The following LAMA1 variants were observed in gnomAD, a reference collection of about 807,000 sequenced individuals.
LAMA1 encodes laminin subunit alpha 1, also known as laminin subunit alpha-1.
LAMA1 carries 219 observed loss-of-function variants against 348.7 expected under a neutral mutation model. The observed-to-expected ratio is 0.63, with a 90% CI of 0.56 to 0.70. LAMA1 has a LOEUF of 0.70. LAMA1 is among the 30% of genes least tolerant of loss of function. LAMA1 has a pLI of 0.00. For missense variants in LAMA1, 3,744 were observed against 3,888.0 expected (o/e 0.96, Z 0.99); for synonymous variants, 1,487 against 1,491.0 (o/e 1.00, Z 0.06).
intron 42 of LAMA1, among the ~76,000 whole-genome samples, chr18:6,980,053 A>T (rs920914462): frequency 6.6e-6 from 1 of 152,146 alleles, no homozygotes; most frequent in African/African-American, 2.4e-5. Flanking sequence ...ACATTTCTAA[A>T]CCATCAGTAT....
At chr18:7,013,093 G>A (rs1203095576) in intron 23 of LAMA1, among the ~76,000 whole-genome samples, 2 of 151,870 alleles carry the variant, frequency 1.3e-5, no homozygotes, top group African/African-American at 2.4e-5. Context: ...CCCGGGAGGC[G>A]GAGGTTGCAG....
chr18:7,027,741 G>A (rs1214640103), intron 16 of LAMA1, among the ~76,000 whole-genome samples: 3 of 152,220 alleles, frequency 2.0e-5, no homozygotes, highest in African/African-American at 4.8e-5. Flanking sequence ...TCAGGAGTTC[G>A]AGACCAGCCT....
Position 6,961,683 on chromosome 18 carries a change from C to A in LAMA1, c.7529G>T (p.Trp2510Leu), listed in dbSNP as rs1290813871. The A allele has an allele frequency of 1.2e-6, 2 of 1,614,018 alleles. No homozygotes were observed. Among genetic ancestry groups the A allele is most frequent in the Non-Finnish European group, 1.7e-6 (2 of 1,180,032 alleles). Residue 2510 changes from tryptophan (W) to leucine (L), a missense_variant, in exon 53 of 63, where the codon TGG (tryptophan) becomes TTG (leucine). Physicochemically the swap from Trp to Leu is moderately conservative, Grantham distance 61 (BLOSUM62 -2). This residue lies in a region of LAMA1 where 1,983 missense variants were observed against 1,934.3 expected (regional missense o/e 1.03). Coordinates refer to ENST00000389658, the MANE Select transcript of LAMA1 (RefSeq NM_005559.4). ...PPKSLSPESE[W>L]LVTFATTNSS... ...GTTCGTGGTGGCAAATGTTACCAGC[C>A]ATTCTGATTCTGGTGACAAAGATTT...
intron 19 of LAMA1, among the ~76,000 whole-genome samples, chr18:7,019,542 C>T (rs1031558627): frequency 3.9e-5 from 6 of 152,146 alleles, no homozygotes; most frequent in African/African-American, 1.4e-4. Flanking sequence ...TCACCACAAA[C>T]CAAGGAGGGA....
chr18:7,099,837 T>G (rs113664602), intron 1 of LAMA1, among the ~76,000 whole-genome samples: 1,664 of 151,800 alleles, frequency 0.011, 26 homozygotes, highest in African/African-American at 0.033. Flanking sequence ...GGAGGGCAGA[T>G]CATGAGGTCA....
chr18:7,021,844 ATATTATAT>A (rs60729014), intron 19 of LAMA1, among the ~76,000 whole-genome samples: 2,038 of 65,438 alleles, frequency 0.031, 62 homozygotes, highest in African/African-American at 0.17. Context: ...ATAATATATT[ATATTATAT>A]TATATATATT....
Position 6,942,150 on chromosome 18 carries a change from A to T in LAMA1, c.9157T>A (p.Ser3053Thr). Residue 3053 changes from serine (S) to threonine (T), a missense_variant, in exon 63 of 63, where the codon TCC becomes ACC. Physicochemically the swap from Ser to Thr is moderately conservative, Grantham distance 58 (BLOSUM62 1). Around this residue, in one of 3 missense-constraint regions of LAMA1, gnomAD observed 232 missense variants for 264.4 expected, o/e 0.88. Transcript: ENST00000389658. ...LALIKSPQVQ[S>T]FDFSRAFELH... ...TCGAACGCTCTGCTGAAGTCAAAGG[A>T]CTGCACCTGCGGGCTCTTAATCAGA... is the stretch of plus-strand genomic sequence containing the variant. 1 of 1,614,166 alleles carries T rather than the reference A, an allele frequency of 6.2e-7. No homozygotes were observed. The highest frequency in any genetic ancestry group is 1.1e-5 in the South Asian group (1 of 91,086).
intron 23 of LAMA1, among the ~76,000 whole-genome samples, chr18:7,012,378 T>A (rs373993970): frequency 9.9e-4 from 151 of 151,880 alleles, no homozygotes; most frequent in African/African-American, 3.4e-3. Flanking sequence ...AAATACAGAG[T>A]CCCTGATGAG....
chr18:6,988,392 G>A (rs2057744535), intron 36 of LAMA1, among the ~76,000 whole-genome samples: 1 of 152,212 alleles, frequency 6.6e-6, no homozygotes, highest in Non-Finnish European at 1.5e-5. Flanking sequence ...AAGTGAGCCG[G>A]ATCCTCCACG....
chr18:6,989,612 A>C (rs1304727132), intron 36 of LAMA1, among the ~76,000 whole-genome samples: 2 of 151,824 alleles, frequency 1.3e-5, no homozygotes, highest in Non-Finnish European at 2.9e-5. Flanking sequence ...TTAAAATAAA[A>C]GGTCTCTTTA....
At chr18:7,051,045 T>G (rs1041688282) in intron 3 of LAMA1, 109 bp from the exon 4 acceptor site, 2 of 1,420,672 alleles carry the variant, frequency 1.4e-6, no homozygotes, top group Admixed American at 2.0e-5. Flanking sequence ...ATAGTTGAAC[T>G]TAGAATCAGA....
intron 19 of LAMA1, among the ~76,000 whole-genome samples, chr18:7,017,709 T>C (rs1343477278): frequency 1.3e-5 from 2 of 152,180 alleles, no homozygotes; most frequent in African/African-American, 2.4e-5. Context: ...GCAATGGAGA[T>C]TTCAAAATCA....
chr18:7,102,751 T>A (rs1235063952), intron 1 of LAMA1, among the ~76,000 whole-genome samples: 1 of 152,162 alleles, frequency 6.6e-6, no homozygotes, highest in Non-Finnish European at 1.5e-5. Context: ...GTCACCTGTA[T>A]GGCACTTTCT....
chr18:7,069,661 C>T (rs528101186), intron 3 of LAMA1, among the ~76,000 whole-genome samples: 25 of 152,306 alleles, frequency 1.6e-4, no homozygotes, highest in African/African-American at 6.0e-4. Context: ...GCCTTAAAGT[C>T]GCCATGCTGT....
Position 7,058,609 on chromosome 18 carries a change from C to T in LAMA1, c.346-7673G>A, listed in dbSNP as rs200292087. ...AATATTTCTGGTGTCATAAGAAAAG[C>T]AGATTAGGACACAGACAGTACAGAG... On this transcript the variant is annotated intron_variant, in intron 3 of 62. Transcript: ENST00000389658. 2.4e-4 allele frequency among the ~76,000 whole-genome samples: 36 copies of T among 152,168 alleles called. No homozygotes were observed. The East Asian group carries it at 3.9e-3, about 16-fold the overall frequency.
chr18:6,962,523 G>A (rs1412243010), intron 51 of LAMA1, among the ~76,000 whole-genome samples: 1 of 152,144 alleles, frequency 6.6e-6, no homozygotes, highest in Non-Finnish European at 1.5e-5. Flanking sequence ...AATATTGATA[G>A]TGAGAACTTC....
chr18:6,973,093 T>C lies in LAMA1; in HGVS notation c.6738A>G (p.Thr2246=). The C allele has an allele frequency of 1.2e-6, 2 of 1,614,164 alleles. No individual in the cohort carries two copies. The highest frequency in any genetic ancestry group is 1.7e-6 in the Non-Finnish European group (2 of 1,180,020). ...CTCCAAGACCTCCAACAAACATGAGTGTTGAATTGTTTACATCCAGAACAT... is the reference window on the plus strand; with the variant it reads ...CTCCAAGACCTCCAACAAACATGAGCGTTGAATTGTTTACATCCAGAACAT... The part of the protein sequence containing the change: ...TANVLDVNNS[T]LMFVGGLGGQ... Residue 2246 remains threonine, a synonymous_variant, in exon 47 of 63, where the codon ACA becomes ACG. Transcript: ENST00000389658.
At chr18:7,067,951 T>C (rs945210209) in intron 3 of LAMA1, among the ~76,000 whole-genome samples, 1 of 152,058 alleles carries the variant, frequency 6.6e-6, no homozygotes, top group Non-Finnish European at 1.5e-5. Flanking sequence ...CCCCCTGGGT[T>C]CAAGCGATTC....
chr18:7,104,409 T>C (rs1369610682), intron 1 of LAMA1, among the ~76,000 whole-genome samples: 1 of 152,184 alleles, frequency 6.6e-6, no homozygotes, highest in Non-Finnish European at 1.5e-5. Context: ...CTCTCGGCCC[T>C]TAAGGAGAGA....
Sources: allele counts gnomAD v4.1 joint callset (sites outside exome capture counted in the v4.1 genomes callset), GRCh38; gene constraint gnomAD v4.1.1; regional missense constraint gnomAD v4.1.1; transcripts MANE v1.5; gene names NCBI Gene and HGNC (gene_info 2026-07-23, HGNC 2026-07-21).